Variants in CCDC142 observed in about 807,000 individuals in gnomAD.
CCDC142 encodes the protein coiled-coil domain-containing protein 142.
A neutral mutation model predicts 83.8 loss-of-function variants in CCDC142; 67 were observed. That is an observed-to-expected ratio of 0.80 (90% CI 0.66 to 0.98). The LOEUF is 0.98. Among genes scored for constraint, CCDC142 ranks in the 50% least tolerant of loss-of-function variants. The pLI is 0.00. For missense variants in CCDC142, 905 were observed against 946.8 expected (o/e 0.96, Z 0.58); for synonymous variants, 421 against 421.2 (o/e 1.00, Z 0.01).
chr2:74,480,635 G>T (rs1672418676), intron 5 of CCDC142, 134 bp downstream of exon 5: 1 of 540,330 alleles, frequency 1.9e-6, no homozygotes, highest in East Asian at 3.1e-5. Flanking sequence ...AAAATGAACA[G>T]AGCAAAAAAA....
rs1406513927 is a variant in CCDC142 at position 74,482,262 on chromosome 2, C to T, written c.576G>A (p.Glu192=). The T allele has an allele frequency of 6.2e-7, 1 of 1,612,778 alleles. No individual in the cohort carries two copies. Among genetic ancestry groups the T allele is most frequent in the African/African-American group, 1.3e-5 (1 of 75,062 alleles). The change falls in exon 1 of 9, where the codon GAG becomes GAA. Residue 192 remains glutamate (E), a synonymous_variant. Transcript: ENST00000393965. The surrounding 1 kb of genome is among the most constrained non-coding windows in gnomAD (Gnocchi z 5.0). The part of the protein sequence containing the change: ...IEMQLRALGR[E]PASPGLSSQL... ...GGGACGACAGGCCCGGGCTGGCGGG[C>T]TCCCGGCCGAGAGCGCGAAGCTGCA...
intron 5 of CCDC142, among the ~76,000 whole-genome samples, chr2:74,476,193 GGC>G (rs952490078): frequency 3.9e-5 from 6 of 152,090 alleles, no homozygotes; most frequent in African/African-American, 1.4e-4. Flanking sequence ...TTATTTTTGA[GGC>G]AGAGTCTTGC....
intron 1 of CCDC142, 79 bp downstream of exon 1, chr2:74,481,738 G>A: frequency 2.6e-6 from 4 of 1,513,898 alleles, no homozygotes; most frequent in Non-Finnish European, 3.6e-6. Flanking sequence ...TTGCCTTCAG[G>A]ATGGCAGGTC....
At position 74,481,504 on chromosome 2, in the gene CCDC142, T is replaced by A. The variant is rs201858779; in HGVS notation, c.1056A>T (p.Ala352=). ...GATGAAGTAGTCTGTGACACAAAGA[T>A]GCCAGCTCCTTCTCACACTCCTGAG... The part of the protein sequence containing the change: ...SLPQECEKEL[A]SLCHRLLHQS... The change falls in exon 2 of 9, where the codon GCA becomes GCT. Residue 352 remains alanine (A), a synonymous_variant. Transcript: ENST00000393965. The A allele has an allele frequency of 5.6e-6, 9 of 1,614,156 alleles. No individual in the cohort carries two copies. In the African/African-American group the frequency reaches 8.0e-5, roughly 14 times the overall value.
rs1301659144 is a variant in CCDC142, at chr2:74,474,979, G to A, written c.1933C>T (p.Leu645=). ...AGGGGCTGCTGCAACAGACACAGCA[G>A]GGCCCCATCCAGCTGCTGGAAGATG... The part of the protein sequence containing the change: ...LSIFQQLDGA[L]LCLLQQPLPK... Residue 645 remains leucine, a synonymous_variant, in exon 8 of 9, where the codon CTG becomes TTG. Coordinates refer to ENST00000393965, the MANE Select transcript of CCDC142 (RefSeq NM_001365575.2). The A allele has an allele frequency of 1.9e-6, 3 of 1,613,204 alleles. No homozygotes were observed. The highest frequency in any genetic ancestry group is 1.1e-5 in the South Asian group (1 of 90,920).
chr2:74,475,990 T>C (rs1672314627), intron 5 of CCDC142, among the ~76,000 whole-genome samples: 2 of 150,532 alleles, frequency 1.3e-5, no homozygotes, highest in South Asian at 4.2e-4. Context: ...AGGTTAATTT[T>C]ACTATACAAG....
intron 5 of CCDC142, among the ~76,000 whole-genome samples, chr2:74,476,124 G>A (rs1173597389): frequency 1.3e-5 from 2 of 148,158 alleles, no homozygotes; most frequent in African/African-American, 2.5e-5. Flanking sequence ...CAGAAAGAGG[G>A]ATTGTATGAT....
chr2:74,480,349 G>A (rs1237017291), intron 5 of CCDC142, among the ~76,000 whole-genome samples: 3 of 152,150 alleles, frequency 2.0e-5, no homozygotes, highest in Non-Finnish European at 2.9e-5. Context: ...AGCACTTTGG[G>A]AGACCAAGGT....
At position 74,482,605 on chromosome 2, in the gene CCDC142, G is replaced by A; in HGVS notation, c.233C>T (p.Pro78Leu). 2 of 1,604,894 alleles carry A rather than the reference G, an allele frequency of 1.2e-6. No homozygotes were observed. The highest frequency in any genetic ancestry group is 1.7e-6 in the Non-Finnish European group (2 of 1,176,010). ...GGGAGGGATCGGGCCGCCACCTGCG[G>A]GCCCCCGCCTCCAGGCCGCAGCATC... The part of the protein sequence containing the change: ...EADAAAWRRG[P>L]AGGGPIPPAL... The change falls in exon 1 of 9, where the codon CCC (proline) becomes CTC (leucine). Residue 78 changes from proline to leucine, a missense_variant. Around this residue, in one of 3 missense-constraint regions of CCDC142, gnomAD observed 591 missense variants for 571.4 expected, o/e 1.03. Transcript: ENST00000393965. This position sits in a 1 kb window ranked among gnomAD's most constrained non-coding sequence, Gnocchi z 5.0.
chr2:74,474,608 G>A lies in CCDC142; in HGVS notation c.2191C>T (p.His731Tyr), dbSNP rs200832708. Residue 731 changes from histidine to tyrosine, a missense_variant, in exon 9 of 9, where the codon CAC (histidine) becomes TAC (tyrosine). This residue lies in a region of CCDC142 where 265 missense variants were observed against 288.9 expected (regional missense o/e 0.92). Transcript: ENST00000393965. ...GGCAGGTGCCAACGGGGTCGCTGGT[G>A]TTGCCTGAGGGCAAGCCAGGCCTGC... ...NQQAWLALRQ[H>Y]QRPRWHLPFF... The A allele has an allele frequency of 2.0e-5, 32 of 1,614,104 alleles. No individual in the cohort carries two copies. Among genetic ancestry groups the A allele is most frequent in the Non-Finnish European group, 2.5e-5 (29 of 1,180,044 alleles).
Position 74,481,339 on chromosome 2 carries a change from C to A in CCDC142, c.1142G>T (p.Gly381Val), listed in dbSNP as rs151285718. ...FCQALGSALG[G>V]QSSLPTSSGT... ...AGAGGATGTGGGAAGGCTGCTCTGA[C>A]CCCCAAGAGCTGATCCCAAGGCCTG... Residue 381 changes from glycine (G) to valine (V), a missense_variant, in exon 3 of 9, where the codon GGT becomes GTT. Gly to Val is a moderately radical substitution (Grantham distance 109, BLOSUM62 -3). Transcript: ENST00000393965. 3 of 1,614,068 alleles carry A rather than the reference C, an allele frequency of 1.9e-6. No homozygotes were observed. The African/African-American group carries it at 4.0e-5, about 22-fold the overall frequency.
chr2:74,481,031 G>A lies in CCDC142; in HGVS notation c.1314C>T (p.Phe438=). 6.2e-7 allele frequency: 1 copy of A among 1,614,056 alleles called. No individual in the cohort carries two copies. Among genetic ancestry groups the A allele is most frequent in the South Asian group, 1.1e-5 (1 of 91,076 alleles). ...CCAAGTACTGCTGAGCTCTGCCCAGGAACCAGAGCAAGGTGGTCTGAAGGG... is the reference window on the plus strand; with the variant it reads ...CCAAGTACTGCTGAGCTCTGCCCAGAAACCAGAGCAAGGTGGTCTGAAGGG... ...LCTLQTTLLW[F]LGRAQQYLAA... Residue 438 remains phenylalanine, a synonymous_variant, in exon 4 of 9, where the codon TTC becomes TTT. Coordinates refer to ENST00000393965, the MANE Select transcript of CCDC142 (RefSeq NM_001365575.2).
intron 5 of CCDC142, among the ~76,000 whole-genome samples, chr2:74,476,692 T>C (rs1672334475): frequency 6.6e-6 from 1 of 152,202 alleles, no homozygotes; most frequent in South Asian, 2.1e-4. Context: ...TTTGTTTCTT[T>C]GGTTTGATAG....
intron 5 of CCDC142, among the ~76,000 whole-genome samples, chr2:74,477,601 T>C (rs567616295): frequency 1.2e-3 from 190 of 152,230 alleles, no homozygotes; most frequent in Non-Finnish European, 2.3e-3. Flanking sequence ...AACTGCCCAC[T>C]TCCAGTAACC....
At position 74,481,224 on chromosome 2, in the gene CCDC142, T is replaced by A; in HGVS notation, c.1257A>T (p.Ala419=). ...CCCAGCCCCAGCCCCTCGTCTCACCTGCAGGCTGGCAGAAAATCCGTCGTA... is the reference window on the plus strand; with the variant it reads ...CCCAGCCCCAGCCCCTCGTCTCACCAGCAGGCTGGCAGAAAATCCGTCGTA... ...PRLRRIFCQP[A]DPAPVALGLC... Residue 419 remains alanine, a splice_region_variant and synonymous_variant, in exon 3 of 9, where the codon GCA becomes GCT. Transcript: ENST00000393965. 1 of 1,613,934 alleles carries A rather than the reference T, an allele frequency of 6.2e-7. No individual in the cohort carries two copies. Among genetic ancestry groups the A allele is most frequent in the Non-Finnish European group, 8.5e-7 (1 of 1,179,942 alleles).
At position 74,474,781 on chromosome 2, in the gene CCDC142, G is replaced by T; in HGVS notation, c.2018C>A (p.Thr673Asn). The T allele has an allele frequency of 6.2e-7, 1 of 1,610,944 alleles. No homozygotes were observed. The highest frequency in any genetic ancestry group is 1.1e-5 in the South Asian group (1 of 90,818). ...PCCCACQEVQTTKLPSSCLNS... is the reference protein window; with the variant it reads ...PCCCACQEVQNTKLPSSCLNS... ...GAGGCAGCTGCTGGGCAATTTCGTG[G>T]TCTGGACCTCCTGACAAGCACCTGG... is the stretch of plus-strand genomic sequence containing the variant. Residue 673 changes from threonine (T) to asparagine (N), a missense_variant, in exon 9 of 9, where the codon ACC (threonine) becomes AAC (asparagine). Coordinates refer to ENST00000393965, the MANE Select transcript of CCDC142 (RefSeq NM_001365575.2).
At position 74,476,959 on chromosome 2, in the gene CCDC142, TC is replaced by T. The variant is rs1180955899; in HGVS notation, c.1504-1234del. The stretch of plus-strand genomic sequence containing the variant: ...TCTCCAGTAAATGCAAGCCCCCTTC[TC>T]CTCCCTTATTTATGTCAAGGAAATT... On this transcript the variant is annotated intron_variant, in intron 5 of 8. Coordinates refer to ENST00000393965, the MANE Select transcript of CCDC142 (RefSeq NM_001365575.2). 1.1e-4 allele frequency among the ~76,000 whole-genome samples: 16 copies of T among 152,266 alleles called. No homozygotes were observed. The East Asian group carries it at 2.1e-3, about 20-fold the overall frequency.
chr2:74,478,691 A>G (rs1283754133), intron 5 of CCDC142, among the ~76,000 whole-genome samples: 2 of 151,962 alleles, frequency 1.3e-5, no homozygotes, highest in African/African-American at 2.4e-5. Flanking sequence ...CCTGGGCAAC[A>G]TGGCAAAACC....
chr2:74,481,657 G>C, intron 1 of CCDC142, 119 bp from the exon 2 acceptor site: 7 of 1,362,978 alleles, frequency 5.1e-6, no homozygotes, highest in Non-Finnish European at 7.2e-6. Flanking sequence ...GGGGTGGAAA[G>C]CAAGACTTTG....
Sources: gnomAD v4.1 joint callset for allele counts (sites outside exome capture counted in the v4.1 genomes callset) on GRCh38, gnomAD v4.1.1 for gene constraint, gnomAD v4.1.1 regional missense constraint, Gnocchi (gnomAD v3.1) non-coding constraint, MANE v1.5 for transcripts, NCBI Gene and HGNC (gene_info 2026-07-23, HGNC 2026-07-21) for gene names.